FYCO1: variants seen among roughly 807,000 people sequenced by gnomAD.
FYCO1 encodes the protein FYVE and coiled-coil domain-containing protein 1.
Under a neutral mutation model 165.1 loss-of-function variants are expected in FYCO1, and 122 were observed. The ratio of observed to expected loss-of-function variants is 0.74; its 90% confidence interval spans 0.64 to 0.86. FYCO1 has a LOEUF of 0.86. Among genes scored for constraint, FYCO1 ranks in the 40% least tolerant of loss-of-function variants. The pLI, the probability that FYCO1 is intolerant of heterozygous loss-of-function variation, is 0.00. For missense variants in FYCO1, 1,702 were observed against 1,810.3 expected, an observed-to-expected ratio of 0.94 and a Z score of 1.09; for synonymous variants, 648 against 742.5, an observed-to-expected ratio of 0.87 and a Z score of 2.07.
At chr3:45,956,979 T>C (rs918007953) in intron 13 of FYCO1, among the ~76,000 whole-genome samples, 10 of 152,230 alleles carry the variant, frequency 6.6e-5, no homozygotes, top group Admixed American at 3.3e-4. Flanking sequence ...TACGTGATGT[T>C]AAGATGCTTT....
At position 45,921,740 on chromosome 3, in the gene FYCO1, A is replaced by C. The variant is rs781235968; in HGVS notation, c.*25T>G. On this transcript the variant is annotated 3_prime_UTR_variant, in exon 18 of 18. Coordinates refer to ENST00000296137, the MANE Select transcript of FYCO1 (RefSeq NM_024513.4). ...GGAAGAGCAGTGTTTCCTGTGGATG[A>C]AGTGAAGTTACTGAGGTGCTGAAGC... 1.4e-6 allele frequency: 2 copies of C among 1,472,664 alleles called. No individual in the cohort carries two copies. Among genetic ancestry groups the C allele is most frequent in the South Asian group, 2.3e-5 (2 of 88,384 alleles). The allele number at this position is 1,472,664 out of a possible 1,614,324, so 91.2% of individuals were successfully genotyped here.
chr3:45,976,359 T>C (rs1575380365), intron 4 of FYCO1, among the ~76,000 whole-genome samples: 1 of 152,256 alleles, frequency 6.6e-6, no homozygotes, highest in East Asian at 1.9e-4. Context: ...TGGGAGCATA[T>C]AATGGCCAAG....
intron 7 of FYCO1, among the ~76,000 whole-genome samples, chr3:45,969,191 C>T (rs1455045716): frequency 7.9e-5 from 12 of 152,138 alleles, no homozygotes; most frequent in Admixed American, 7.9e-4. Flanking sequence ...GTGATAAATT[C>T]ACATTTCTAA....
At chr3:45,975,458 A>G in intron 4 of FYCO1, 113 bp from the exon 5 acceptor site, 1 of 742,338 alleles carries the variant, frequency 1.3e-6, no homozygotes, top group South Asian at 1.5e-5. Context: ...ATGTCACCCA[A>G]TTTTACCCTA....
chr3:45,976,431 A>C (rs563157261), intron 4 of FYCO1, among the ~76,000 whole-genome samples: 20 of 152,366 alleles, frequency 1.3e-4, no homozygotes, highest in Admixed American at 1.3e-3. Flanking sequence ...ATTAGGATTC[A>C]TATTCCTGAT....
intron 11 of FYCO1, among the ~76,000 whole-genome samples, chr3:45,961,865 AAAAAAT>A (rs1705715591): frequency 6.6e-6 from 1 of 152,234 alleles, no homozygotes; most frequent in Non-Finnish European, 1.5e-5. Context: ...TGTCAGCATT[AAAAAAT>A]CAGGACACTT....
chr3:45,968,509 C>T lies in FYCO1; in HGVS notation c.825G>A (p.Gln275=). 6.2e-7 allele frequency: 1 copy of T among 1,614,112 alleles called. No homozygotes were observed. Among genetic ancestry groups the T allele is most frequent in the Non-Finnish European group, 8.5e-7 (1 of 1,180,048 alleles). ...CAGTGCGCCCCCTCTCCCTCTCTGT[C>T]TGCAGTTGCTCCCCTTGCTGGCTGA... ...AAVSQQGEQL[Q]TERERGRTAA... Residue 275 remains glutamine, a synonymous_variant, in exon 8 of 18, where the codon CAG becomes CAA. Transcript: ENST00000296137.
chr3:45,936,397 C>G (rs1184241306), intron 15 of FYCO1, 51 bp downstream of exon 15: 1 of 1,269,876 alleles, frequency 7.9e-7, no homozygotes, highest in East Asian at 2.3e-5. Context: ...GAGGCCAGTG[C>G]TCCTCCCAAT....
Position 45,964,952 on chromosome 3 carries a change from T to C in FYCO1, c.3150+81A>G, listed in dbSNP as rs1705911933. 8 of 1,118,048 alleles carry C rather than the reference T, an allele frequency of 7.2e-6. No individual in the cohort carries two copies. Among genetic ancestry groups the C allele is most frequent in the Non-Finnish European group, 1.1e-5 (8 of 741,636 alleles). The allele number at this position is 1,118,048 out of a possible 1,614,324, so 69.3% of individuals were successfully genotyped here. ...GCTTCAGCTTGGGAATCTGGAGGCA[T>C]GCAGGGAGCCCTCTTAAATGGTCCA... On this transcript the variant is annotated intron_variant, in intron 9 of 17. Coordinates refer to ENST00000296137, the MANE Select transcript of FYCO1 (RefSeq NM_024513.4). The surrounding 1 kb of genome is among the most constrained non-coding windows in gnomAD (Gnocchi z 4.1).
In FYCO1 at chr3:45,958,567, T is replaced by G; in HGVS notation, c.3640A>C (p.Lys1214Gln). ...YYCCNNYVLS[K>Q]HGGKKERCCR... Reference sequence around the variant, plus strand: ...CAGCGCTCCTTTTTGCCACCGTGCTTGCTCAGGACGTAGTTGTTGCAGCAG... The same window carrying G: ...CAGCGCTCCTTTTTGCCACCGTGCTGGCTCAGGACGTAGTTGTTGCAGCAG... Residue 1214 changes from lysine (K) to glutamine (Q), a missense_variant, in exon 13 of 18, where the codon AAG becomes CAG. By Grantham distance (53) the Lys-to-Gln change is moderately conservative (BLOSUM62 1). Transcript: ENST00000296137. 6.2e-7 allele frequency: 1 copy of G among 1,614,256 alleles called. No individual in the cohort carries two copies. The highest frequency in any genetic ancestry group is 8.5e-7 in the Non-Finnish European group (1 of 1,180,046).
chr3:45,954,414 A>C (rs1226839361), intron 14 of FYCO1, among the ~76,000 whole-genome samples: 1 of 152,102 alleles, frequency 6.6e-6, no homozygotes, highest in African/African-American at 2.4e-5. Context: ...TCCCTAGGGC[A>C]TGCTTCATTC....
intron 15 of FYCO1, among the ~76,000 whole-genome samples, chr3:45,933,697 C>T (rs555824889): frequency 6.6e-6 from 1 of 152,180 alleles, no homozygotes; most frequent in African/African-American, 2.4e-5. Flanking sequence ...ATCACAACAG[C>T]TTAGCGTCTC....
At chr3:45,951,160 G>T (rs1704997723) in intron 14 of FYCO1, among the ~76,000 whole-genome samples, 1 of 152,130 alleles carries the variant, frequency 6.6e-6, no homozygotes, top group African/African-American at 2.4e-5. Flanking sequence ...GGTAGCAGTA[G>T]CACACACAGC....
intron 6 of FYCO1, among the ~76,000 whole-genome samples, chr3:45,972,800 A>G (rs1477572926): frequency 2.0e-5 from 3 of 152,190 alleles, no homozygotes; most frequent in Non-Finnish European, 4.4e-5. Flanking sequence ...TCCTCCCCCA[A>G]TGCCCGTAAC....
chr3:45,970,782 C>G (rs571340346), intron 6 of FYCO1, among the ~76,000 whole-genome samples: 9 of 151,928 alleles, frequency 5.9e-5, no homozygotes, highest in African/African-American at 2.2e-4. Context: ...TAAACAGATA[C>G]AAAATCTCAA....
intron 3 of FYCO1, 88 bp downstream of exon 3, chr3:45,981,482 T>G (rs929060658): frequency 2.3e-6 from 2 of 884,428 alleles, no homozygotes; most frequent in African/African-American, 3.3e-5. Context: ...TTGGGCTTTC[T>G]GAACCATATC....
chr3:45,968,749 C>A, intron 7 of FYCO1, 46 bp from the exon 8 acceptor site: 1 of 1,611,894 alleles, frequency 6.2e-7, no homozygotes, highest in Non-Finnish European at 8.5e-7. Context: ...GATGAAGCTA[C>A]AGGGCTATTT....
At chr3:45,925,217 G>A (rs1423241213) in intron 16 of FYCO1, among the ~76,000 whole-genome samples, 1 of 151,158 alleles carries the variant, frequency 6.6e-6, no homozygotes, top group South Asian at 2.1e-4. Flanking sequence ...CGTGAGCCAC[G>A]GCGCCCAGCC....
Position 45,973,157 on chromosome 3 carries a change from A to C in FYCO1, c.470T>G (p.Leu157Arg). The change falls in exon 6 of 18, where the codon CTG becomes CGG. Residue 157 changes from leucine to arginine, a missense_variant. By Grantham distance (102) the Leu-to-Arg change is moderately radical. Coordinates refer to ENST00000296137, the MANE Select transcript of FYCO1 (RefSeq NM_024513.4). ...SSDIVGQLYE[L>R]TEVQFDLASR... Reference sequence around the variant, plus strand: ...CGCCAGGTCAAACTGAACCTCAGTCAGCTCATAGAGTTGGCCCACAATGTC... The same window carrying C: ...CGCCAGGTCAAACTGAACCTCAGTCCGCTCATAGAGTTGGCCCACAATGTC... 6.2e-7 allele frequency: 1 copy of C among 1,614,236 alleles called. No homozygotes were observed. The highest frequency in any genetic ancestry group is 8.5e-7 in the Non-Finnish European group (1 of 1,180,018).
Sources: allele counts gnomAD v4.1 joint callset (sites outside exome capture counted in the v4.1 genomes callset), GRCh38; gene constraint gnomAD v4.1.1; non-coding constraint Gnocchi (gnomAD v3.1); transcripts MANE v1.5; gene names NCBI Gene and HGNC (gene_info 2026-07-23, HGNC 2026-07-21).